SPAG17: variants seen among roughly 807,000 people sequenced by gnomAD.
The protein encoded by SPAG17 is sperm associated antigen 17.
A neutral mutation model predicts 273.6 loss-of-function variants in SPAG17; 169 were observed. That is an observed-to-expected ratio of 0.62 (90% CI 0.55 to 0.70). SPAG17 has a LOEUF of 0.70. Ranked by LOEUF, SPAG17 falls within the 30% of genes least tolerant of loss-of-function variation. The pLI, the probability that SPAG17 is intolerant of heterozygous loss-of-function variation, is 0.00. For synonymous variants in SPAG17, 825 were observed against 873.2 expected (o/e 0.94, Z 0.97); for missense variants, 2,557 against 2,627.8 (o/e 0.97, Z 0.59).
chr1:117,975,626 C>T (rs974260311), intron 43 of SPAG17, among the ~76,000 whole-genome samples: 2 of 152,172 alleles, frequency 1.3e-5, no homozygotes, highest in Non-Finnish European at 2.9e-5. Context: ...CGTGAATCAC[C>T]GTCTGCTGGG....
At chr1:117,988,904 T>C (rs924626159) in intron 38 of SPAG17, among the ~76,000 whole-genome samples, 1 of 152,216 alleles carries the variant, frequency 6.6e-6, no homozygotes. Flanking sequence ...TATGGGAAAA[T>C]ATTGATTTAG....
At position 118,093,140 on chromosome 1, in the gene SPAG17, T is replaced by C. The variant is rs1346525277; in HGVS notation, c.1173+16A>G. The C allele has an allele frequency of 1.5e-5, 24 of 1,607,906 alleles. No homozygotes were observed. Among genetic ancestry groups the C allele is most frequent in the Non-Finnish European group, 2.0e-5 (24 of 1,177,080 alleles). ...TGAATCATTCATCCCACTAAAGACA[T>C]TGAGCCCATGCCTACCTCTGAAGTT... On this transcript the variant is annotated intron_variant, in intron 8 of 48. Transcript: ENST00000336338.
chr1:118,147,314 A>G (rs1223704256), intron 3 of SPAG17, among the ~76,000 whole-genome samples: 1 of 152,224 alleles, frequency 6.6e-6, no homozygotes, highest in Non-Finnish European at 1.5e-5. Flanking sequence ...AATGCAGGCA[A>G]TAAGCGTATA....
At chr1:118,165,627 TAA>T (rs1271230468) in intron 1 of SPAG17, among the ~76,000 whole-genome samples, 20 of 133,790 alleles carry the variant, frequency 1.5e-4, no homozygotes, top group African/African-American at 4.7e-4. Flanking sequence ...AAGTGTAAAT[TAA>T]AAAAAAAAAA....
rs368062617 is a variant in SPAG17, at chr1:117,992,596, A to G, written c.5231T>C (p.Ile1744Thr). 123 of 1,613,096 alleles carry G rather than the reference A, an allele frequency of 7.6e-5. No homozygotes were observed. Among genetic ancestry groups the G allele is most frequent in the Non-Finnish European group, 9.8e-5 (116 of 1,179,696 alleles). ...FGTQIWKGLC[I>T]ESKQLVSAPG... ...GGCACTCACTAGCTGTTTGGACTCAATGCAAAGGCCTTTCCAAATCTGAGT... is the reference window on the plus strand; with the variant it reads ...GGCACTCACTAGCTGTTTGGACTCAGTGCAAAGGCCTTTCCAAATCTGAGT... The change falls in exon 36 of 49, where the codon ATT (isoleucine) becomes ACT (threonine). Residue 1744 changes from isoleucine (I) to threonine (T), a missense_variant. Coordinates refer to ENST00000336338, the MANE Select transcript of SPAG17 (RefSeq NM_206996.4).
At chr1:118,025,463 G>T (rs562760375) in intron 26 of SPAG17, 47 bp from the exon 27 acceptor site, 19 of 1,277,940 alleles carry the variant, frequency 1.5e-5, no homozygotes, top group Non-Finnish European at 1.8e-5. Context: ...ATGCTGCAGG[G>T]CTGGATTTTA....
chr1:118,003,530 C>T (rs1658544035), intron 32 of SPAG17, among the ~76,000 whole-genome samples: 1 of 152,112 alleles, frequency 6.6e-6, no homozygotes, highest in Non-Finnish European at 1.5e-5. Flanking sequence ...TCTTTTTACT[C>T]TAAATTTCTT....
intron 2 of SPAG17, 83 bp downstream of exon 2, chr1:118,151,146 A>C: frequency 8.5e-7 from 1 of 1,182,820 alleles, no homozygotes; most frequent in Non-Finnish European, 1.1e-6. Context: ...GCCCAAGAAT[A>C]TGATAGTTTA....
intron 3 of SPAG17, among the ~76,000 whole-genome samples, chr1:118,136,654 G>GC (rs1307289449): frequency 6.6e-6 from 1 of 152,130 alleles, no homozygotes; most frequent in African/African-American, 2.4e-5. Context: ...CAGGATGCTG[G>GC]CCCAGGGTGA....
At chr1:118,027,409 C>A (rs1291958469) in intron 26 of SPAG17, among the ~76,000 whole-genome samples, 1 of 152,034 alleles carries the variant, frequency 6.6e-6, no homozygotes. Flanking sequence ...ATACACTTTT[C>A]AAATGTGGTA....
chr1:118,081,167 G>A lies in SPAG17; in HGVS notation c.2143C>T (p.Pro715Ser), dbSNP rs1192382686. 6.2e-7 allele frequency: 1 copy of A among 1,613,706 alleles called. No homozygotes were observed. The highest frequency in any genetic ancestry group is 1.7e-5 in the Admixed American group (1 of 59,970). Reference sequence around the variant, plus strand: ...TGCTCTAACAGCTGTCTATTATCAGGGACTGAGAGTTTGAGATTATTCAAG... The same window carrying A: ...TGCTCTAACAGCTGTCTATTATCAGAGACTGAGAGTTTGAGATTATTCAAG... The part of the protein sequence containing the change: ...SDLNNLKLSV[P>S]DNRQLLEQES... Residue 715 changes from proline (P) to serine (S), a missense_variant, in exon 15 of 49, where the codon CCT becomes TCT. By Grantham distance (74) the Pro-to-Ser change is moderately conservative (BLOSUM62 -1). Transcript: ENST00000336338.
intron 26 of SPAG17, among the ~76,000 whole-genome samples, chr1:118,026,983 C>T (rs1378447232): frequency 6.6e-6 from 1 of 152,026 alleles, no homozygotes; most frequent in East Asian, 1.9e-4. Flanking sequence ...ACATTGTCTA[C>T]CCTAACATAA....
chr1:118,004,536 C>A (rs1157039795), intron 32 of SPAG17, among the ~76,000 whole-genome samples: 1 of 152,246 alleles, frequency 6.6e-6, no homozygotes, highest in Non-Finnish European at 1.5e-5. Flanking sequence ...CCCCCTCCCC[C>A]AGCCAGGCTG....
chr1:118,157,376 C>T (rs1659706444), intron 1 of SPAG17, among the ~76,000 whole-genome samples: 1 of 152,110 alleles, frequency 6.6e-6, no homozygotes, highest in African/African-American at 2.4e-5. Flanking sequence ...TAAGAGTCTG[C>T]TGATGTTGCT....
At chr1:118,085,517 C>T (rs1414563197) in intron 13 of SPAG17, among the ~76,000 whole-genome samples, 2 of 152,144 alleles carry the variant, frequency 1.3e-5, no homozygotes, top group East Asian at 3.9e-4. Context: ...TGCATGCGTG[C>T]GTGCATACGC....
chr1:118,012,407 C>T (rs758250198), intron 29 of SPAG17, 35 bp from the exon 30 acceptor site: 88 of 1,603,164 alleles, frequency 5.5e-5, no homozygotes, highest in Non-Finnish European at 7.5e-5. Flanking sequence ...ATCATTTGGC[C>T]ACATGGTTCA....
intron 3 of SPAG17, among the ~76,000 whole-genome samples, chr1:118,143,057 C>T (rs1478449126): frequency 6.6e-6 from 1 of 152,166 alleles, no homozygotes; most frequent in Non-Finnish European, 1.5e-5. Context: ...ACCCTGTTGA[C>T]CCAAACATGT....
chr1:118,107,207 T>C (rs1656453943), intron 4 of SPAG17, among the ~76,000 whole-genome samples: 1 of 152,178 alleles, frequency 6.6e-6, no homozygotes, highest in South Asian at 2.1e-4. Flanking sequence ...TTTATTTCCA[T>C]GATACTCTTG....
At chr1:118,029,755 A>G (rs4255372) in intron 25 of SPAG17, among the ~76,000 whole-genome samples, 10,681 of 152,096 alleles carry the variant, frequency 0.07, 577 homozygotes, top group East Asian at 0.31. Context: ...TCTTTTGTTA[A>G]CCACCAAAAT....
Sources: allele counts gnomAD v4.1 joint callset (sites outside exome capture counted in the v4.1 genomes callset), GRCh38; gene constraint gnomAD v4.1.1; transcripts MANE v1.5; gene names NCBI Gene and HGNC (gene_info 2026-07-23, HGNC 2026-07-21).